ANTXR1: variants seen among roughly 807,000 people sequenced by gnomAD.
ANTXR1 encodes anthrax toxin receptor 1.
In ANTXR1, 19 loss-of-function variants were observed where a neutral mutation model predicts 78.1. The ratio of observed to expected loss-of-function variants is 0.24; its 90% CI spans 0.17 to 0.36. The LOEUF (loss-of-function observed/expected upper bound fraction) is 0.36. Among genes scored for constraint, ANTXR1 ranks in the 10% least tolerant of loss-of-function variants. ANTXR1 has a pLI of 1.00. For missense variants in ANTXR1, 518 were observed against 718.6 expected (o/e 0.72, Z 3.19); for synonymous variants, 273 against 260.5 (o/e 1.05, Z -0.46).
At position 69,110,857 on chromosome 2, in the gene ANTXR1, G is replaced by A. The variant is rs775582479; in HGVS notation, c.802+7917G>A. Among the ~76,000 whole-genome samples the A allele has an allele frequency of 7.2e-5, 11 of 152,056 alleles. No individual in the cohort carries two copies. In the East Asian group the frequency reaches 1.2e-3, roughly 16 times the overall value. Reference sequence around the variant, plus strand: ...AGCCCGGGCGACAGAGCAAGACTCCGTCTCAAAAAAAAAGTTACAAAACAA... The same window carrying A: ...AGCCCGGGCGACAGAGCAAGACTCCATCTCAAAAAAAAAGTTACAAAACAA... On this transcript the variant is annotated intron_variant, in intron 10 of 17. Coordinates refer to ENST00000303714, the MANE Select transcript of ANTXR1 (RefSeq NM_032208.3).
chr2:69,245,326 C>T lies in ANTXR1; in HGVS notation c.1536C>T (p.Tyr512=). 6.2e-7 allele frequency: 1 copy of T among 1,602,896 alleles called. No homozygotes were observed. ...CCTCGCCGCCTCCTGCCCCCATCTA[C>T]ACTCCCCCACCTCCTGCGCCCCACT... The part of the protein sequence containing the change: ...HTSSPPPAPI[Y]TPPPPAPHCP... The change falls in exon 18 of 18, where the codon TAC becomes TAT. Residue 512 remains tyrosine, a synonymous_variant. Transcript: ENST00000303714.
chr2:69,021,692 G>C (rs1393839406), intron 1 of ANTXR1, among the ~76,000 whole-genome samples: 1 of 152,198 alleles, frequency 6.6e-6, no homozygotes, highest in Admixed American at 6.5e-5. Flanking sequence ...TCCTCCATGT[G>C]CCTAGATGGA....
At chr2:69,026,304 G>T (rs769224682) in intron 1 of ANTXR1, among the ~76,000 whole-genome samples, 1 of 152,186 alleles carries the variant, frequency 6.6e-6, no homozygotes, top group African/African-American at 2.4e-5. Context: ...CATACTAGCT[G>T]TATGTCCTTG....
In ANTXR1 at chr2:69,129,749, C is replaced by CA. The variant is rs375857337; in HGVS notation, c.951+5119dup. On this transcript the variant is annotated intron_variant, in intron 12 of 17. Transcript: ENST00000303714. The stretch of plus-strand genomic sequence containing the variant: ...CTGGTAACAGAGCAAGACTCCATCT[C>CA]AAAAAAAAAAAAAGAGTGTATAAAT... 5.7e-3 allele frequency among the ~76,000 whole-genome samples: 683 copies of CA among 119,718 alleles called. 11 individuals are homozygous for CA. Among genetic ancestry groups the CA allele is most frequent in the East Asian group, 0.053 (227 of 4,300 alleles). The allele number at this position is 119,718 out of a possible 152,430, so 78.5% of individuals were successfully genotyped here. A position where few individuals can be genotyped will look rare whatever the true frequency, so the allele number is the denominator to read the frequency against.
intron 6 of ANTXR1, among the ~76,000 whole-genome samples, chr2:69,073,976 C>A (rs1670652597): frequency 6.6e-6 from 1 of 152,226 alleles, no homozygotes; most frequent in Non-Finnish European, 1.5e-5. Context: ...TTAAATTCAG[C>A]TCTTTCCACA....
At chr2:69,073,697 CT>C (rs1670641570) in intron 6 of ANTXR1, among the ~76,000 whole-genome samples, 1 of 152,092 alleles carries the variant, frequency 6.6e-6, no homozygotes, top group Non-Finnish European at 1.5e-5. Context: ...TATAAATAGA[CT>C]TAGAAAAATA....
intron 3 of ANTXR1, among the ~76,000 whole-genome samples, chr2:69,064,210 G>A (rs1308575508): frequency 6.6e-6 from 1 of 152,142 alleles, no homozygotes; most frequent in Non-Finnish European, 1.5e-5. Context: ...ATTATAGCTT[G>A]AAACAATAAT....
At chr2:69,218,967 T>G (rs547598746) in intron 17 of ANTXR1, among the ~76,000 whole-genome samples, 1 of 152,342 alleles carries the variant, frequency 6.6e-6, no homozygotes, top group East Asian at 1.9e-4. Context: ...CCTTAATAAC[T>G]GCTCCGTTTT....
At chr2:69,154,600 G>A (rs1013305410) in intron 13 of ANTXR1, among the ~76,000 whole-genome samples, 4 of 152,104 alleles carry the variant, frequency 2.6e-5, no homozygotes, top group African/African-American at 9.7e-5. Flanking sequence ...GGGCATTCTT[G>A]TAAACAATGG....
intron 17 of ANTXR1, among the ~76,000 whole-genome samples, chr2:69,200,555 C>G (rs1442984510): frequency 6.6e-6 from 1 of 152,250 alleles, no homozygotes; most frequent in African/African-American, 2.4e-5. Flanking sequence ...CTCTCCTTCA[C>G]ATTTCCTGCA....
chr2:69,013,521 G>T lies in ANTXR1; in HGVS notation c.22G>T (p.Ala8Ser). The T allele has an allele frequency of 1.3e-6, 2 of 1,588,444 alleles. No individual in the cohort carries two copies. Among genetic ancestry groups the T allele is most frequent in the Non-Finnish European group, 8.6e-7 (1 of 1,169,290 alleles). The change falls in exon 1 of 18, where the codon GCC (alanine) becomes TCC (serine). Residue 8 changes from alanine to serine, a missense_variant. Coordinates refer to ENST00000303714, the MANE Select transcript of ANTXR1 (RefSeq NM_032208.3). This position sits in a 1 kb window ranked among gnomAD's most constrained non-coding sequence, Gnocchi z 5.0. The stretch of plus-strand genomic sequence containing the variant: ...GGCCATGGCCACGGCGGAGCGGAGA[G>T]CCCTCGGCATCGGCTTCCAGTGGCT... MATAERR[A>S]LGIGFQWLSL...
chr2:69,099,194 A>G (rs1573875593), intron 9 of ANTXR1, among the ~76,000 whole-genome samples: 2 of 152,300 alleles, frequency 1.3e-5, no homozygotes, highest in South Asian at 2.1e-4. Flanking sequence ...CATACCTTAT[A>G]AAGGGAGTCA....
chr2:69,208,189 C>T (rs1674953428), intron 17 of ANTXR1, among the ~76,000 whole-genome samples: 1 of 152,156 alleles, frequency 6.6e-6, no homozygotes, highest in East Asian at 1.9e-4. Flanking sequence ...TTGCTGGGGA[C>T]CCACCCCTGT....
At chr2:69,140,352 C>A (rs6746128) in intron 12 of ANTXR1, among the ~76,000 whole-genome samples, 54,926 of 152,128 alleles carry the variant, frequency 0.36, 12,200 homozygotes, top group African/African-American at 0.62. Flanking sequence ...GCTCCTTCAA[C>A]GGATTTGCTT....
At chr2:69,055,304 A>G (rs1670036364) in intron 3 of ANTXR1, among the ~76,000 whole-genome samples, 1 of 152,192 alleles carries the variant, frequency 6.6e-6, no homozygotes, top group Non-Finnish European at 1.5e-5. Context: ...GCAGGTAGAA[A>G]ATATTGCCTC....
chr2:69,228,318 G>A (rs943842386), intron 17 of ANTXR1, among the ~76,000 whole-genome samples: 14 of 152,214 alleles, frequency 9.2e-5, no homozygotes, highest in African/African-American at 3.4e-4. Context: ...AACGGAGGCT[G>A]GGTAAGTGTT....
intron 9 of ANTXR1, among the ~76,000 whole-genome samples, chr2:69,099,641 G>A (rs893990587): frequency 6.6e-6 from 1 of 152,222 alleles, no homozygotes; most frequent in African/African-American, 2.4e-5. Flanking sequence ...TAGTGAGTAT[G>A]AAGTGATATC....
At chr2:69,129,228 T>A (rs11900433) in intron 12 of ANTXR1, among the ~76,000 whole-genome samples, 1,935 of 152,342 alleles carry the variant, frequency 0.013, 36 homozygotes, top group African/African-American at 0.043. Flanking sequence ...CAGTAAAGTA[T>A]TGAAAAGAGA....
intron 17 of ANTXR1, among the ~76,000 whole-genome samples, chr2:69,228,185 C>G (rs1407897257): frequency 3.9e-5 from 6 of 152,080 alleles, no homozygotes; most frequent in African/African-American, 1.4e-4. Context: ...GCACATAGGA[C>G]AAGTAAATTA....
Sources: allele counts gnomAD v4.1 joint callset (sites outside exome capture counted in the v4.1 genomes callset), GRCh38; gene constraint gnomAD v4.1.1; non-coding constraint Gnocchi (gnomAD v3.1); transcripts MANE v1.5; gene names NCBI Gene and HGNC (gene_info 2026-07-23, HGNC 2026-07-21).